CDK18: variants seen among roughly 807,000 people sequenced by gnomAD.
CDK18 encodes cyclin-dependent kinase 18.
A neutral mutation model predicts 62.0 loss-of-function variants in CDK18; 52 were observed. The observed-to-expected ratio is 0.84, with a 90% confidence interval of 0.67 to 1.06. The LOEUF (loss-of-function observed/expected upper bound fraction) is 1.06. CDK18 is among the 50% of genes least tolerant of loss of function. The pLI, the probability that CDK18 is intolerant of heterozygous loss-of-function variation, is 0.00. For synonymous variants in CDK18, 237 were observed against 247.0 expected, an observed-to-expected ratio of 0.96 and a Z score of 0.38; for missense variants, 604 against 619.9, an observed-to-expected ratio of 0.97 and a Z score of 0.27.
intron 1 of CDK18, among the ~76,000 whole-genome samples, chr1:205,510,171 T>A (rs1314861685): frequency 6.6e-6 from 1 of 152,118 alleles, no homozygotes; most frequent in African/African-American, 2.4e-5. Flanking sequence ...CCAGAATGAT[T>A]ACTGCCCTCA....
chr1:205,520,024 G>A (rs1668039014), intron 1 of CDK18, among the ~76,000 whole-genome samples: 1 of 152,050 alleles, frequency 6.6e-6, no homozygotes, highest in Admixed American at 6.5e-5. Flanking sequence ...CCAAGTGCCT[G>A]CCTCTCCCCA....
Position 205,528,135 on chromosome 1 carries a change from G to T in CDK18, c.941G>T (p.Gly314Val). 6.2e-7 allele frequency: 1 copy of T among 1,613,962 alleles called. No homozygotes were observed. The highest frequency in any genetic ancestry group is 8.5e-7 in the Non-Finnish European group (1 of 1,179,998). Residue 314 changes from glycine (G) to valine (V), a missense_variant, in exon 10 of 16, where the codon GGA (glycine) becomes GTA (valine). Physicochemically the swap from Gly to Val is moderately radical, Grantham distance 109. Transcript: ENST00000429964. The surrounding 1 kb of genome is among the most constrained non-coding windows in gnomAD (Gnocchi z 4.2). ...TACAGGCCCCCCGATGTGCTGCTGG[G>T]ATCCACAGAGTACTCCACCCCCATT... ...LWYRPPDVLL[G>V]STEYSTPIDM... is the part of the protein sequence containing the mutation.
rs548159824 is a variant in CDK18, at chr1:205,516,906, G to A, written c.-21-6241G>A. ...ACTCCAGTCCTGGCCCCAGGAGCTT[G>A]AGAAGTGAAGCTGACTTTCCCGCCC... On this transcript the variant is annotated intron_variant, in intron 1 of 15. Coordinates refer to ENST00000429964, the MANE Select transcript of CDK18 (RefSeq NM_212502.3). This position sits in a 1 kb window ranked among gnomAD's most constrained non-coding sequence, Gnocchi z 4.8. 6.6e-6 allele frequency: 1 copy of A among 152,190 alleles called. No individual in the cohort carries two copies. The highest frequency in any genetic ancestry group is 1.5e-5 in the Non-Finnish European group (1 of 68,056). 9.4% of individuals were successfully genotyped at this position (152,190 alleles called of 1,614,324 possible).
intron 1 of CDK18, among the ~76,000 whole-genome samples, chr1:205,520,419 C>T (rs1449934381): frequency 6.6e-6 from 1 of 152,200 alleles, no homozygotes; most frequent in East Asian, 1.9e-4. Flanking sequence ...AAATAATTGG[C>T]TGAGTGCTGT....
chr1:205,523,394 G>T, intron 2 of CDK18, 89 bp from the exon 3 acceptor site: 4 of 1,602,648 alleles, frequency 2.5e-6, no homozygotes, highest in Non-Finnish European at 2.6e-6. Context: ...TGGCCTTAGG[G>T]GAGGAGCACA....
chr1:205,531,247 C>A, intron 15 of CDK18, 97 bp from the exon 16 acceptor site: 1 of 1,141,422 alleles, frequency 8.8e-7, no homozygotes, highest in Non-Finnish European at 1.3e-6. Flanking sequence ...CTTGCTCTGT[C>A]AGAGCAGCTC....
At chr1:205,526,674 G>T (rs567463291) in intron 7 of CDK18, 101 bp from the exon 8 acceptor site, 1 of 1,188,978 alleles carries the variant, frequency 8.4e-7, no homozygotes, top group East Asian at 2.3e-5. Flanking sequence ...ACTAGTGGGC[G>T]TGGGCCCTTC....
At chr1:205,510,642 C>T (rs17419037) in intron 1 of CDK18, among the ~76,000 whole-genome samples, 9,488 of 152,312 alleles carry the variant, frequency 0.062, 409 homozygotes, top group Non-Finnish European at 0.09. Context: ...CATCTCTACG[C>T]AGGCCCATGC....
chr1:205,513,248 C>T (rs1269174092), intron 1 of CDK18, among the ~76,000 whole-genome samples: 1 of 152,208 alleles, frequency 6.6e-6, no homozygotes, highest in Non-Finnish European at 1.5e-5. Flanking sequence ...AGAGAGGGCT[C>T]CTCTGGCTGG....
chr1:205,529,929 A>G lies in CDK18; in HGVS notation c.1222-330A>G, dbSNP rs1452625244. 1.1e-5 allele frequency: 15 copies of G among 1,384,770 alleles called. No homozygotes were observed. In the South Asian group the frequency reaches 1.2e-4, roughly 11 times the overall value. The allele number at this position is 1,384,770 out of a possible 1,614,324, so 85.8% of individuals were successfully genotyped here. ...GCCTGTCTTGTAAGGCACACGATGA[A>G]GGGTTGTTATCGGCACTACGCTTCC... is the stretch of plus-strand genomic sequence containing the variant. On this transcript the variant is annotated intron_variant, in intron 13 of 15. Coordinates refer to ENST00000429964, the MANE Select transcript of CDK18 (RefSeq NM_212502.3).
At chr1:205,521,947 C>T (rs868610621) in intron 1 of CDK18, among the ~76,000 whole-genome samples, 1 of 152,192 alleles carries the variant, frequency 6.6e-6, no homozygotes, top group Non-Finnish European at 1.5e-5. Context: ...GGGTGCAGGG[C>T]GGCCCATCAT....
In CDK18 at chr1:205,531,860, G is replaced by A. The variant is rs41310907; in HGVS notation, c.*482G>A. 4.4e-3 allele frequency: 781 copies of A among 179,070 alleles called. 4 individuals carry two copies. Among genetic ancestry groups the A allele is most frequent in the Non-Finnish European group, 6.5e-3 (549 of 83,836 alleles). The allele number at this position is 179,070 out of a possible 1,614,324, so 11.1% of individuals were successfully genotyped here. ...TTTTTCCCCTCTGAGAGCAAGAAGA[G>A]ACATGGCATGTTCTCTGGGACCCTG... On this transcript the variant is annotated 3_prime_UTR_variant, in exon 16 of 16. Coordinates refer to ENST00000429964, the MANE Select transcript of CDK18 (RefSeq NM_212502.3).
intron 1 of CDK18, among the ~76,000 whole-genome samples, chr1:205,515,469 G>A (rs1036184055): frequency 6.6e-6 from 1 of 152,134 alleles, no homozygotes. Context: ...GAGCCACCGC[G>A]CCTAGCCACT....
In CDK18 at chr1:205,530,699, C is replaced by A; in HGVS notation, c.1384C>A (p.Gln462Lys). 1 of 1,613,472 alleles carries A rather than the reference C, an allele frequency of 6.2e-7. No homozygotes were observed. The change falls in exon 15 of 16, where the codon CAG (glutamine) becomes AAG (lysine). Residue 462 changes from glutamine to lysine, a missense_variant. Transcript: ENST00000429964. ...AGGCTACCGAGGCTTGGCCTTCCAG[C>A]AGCCAGGTAGGGGCTTGTGCTCTCC... The part of the protein sequence containing the change: ...DPGYRGLAFQ[Q>K]PGRGKNRRQS...
chr1:205,523,745 T>G (rs938948022), intron 3 of CDK18, 120 bp downstream of exon 3: 1 of 1,306,694 alleles, frequency 7.7e-7, no homozygotes, highest in African/African-American at 1.5e-5. Flanking sequence ...CTGCCATTCA[T>G]TAGCTCTGTG....
chr1:205,532,775 A>C lies in CDK18; in HGVS notation c.*1397A>C, dbSNP rs941650689. On this transcript the variant is annotated 3_prime_UTR_variant, in exon 16 of 16. Coordinates refer to ENST00000429964, the MANE Select transcript of CDK18 (RefSeq NM_212502.3). ...CAGTGCAGAGACAGATAATATATTT[A>C]ATTCATGTACAGAAAGGAGCGAGCA... 3.3e-5 allele frequency: 5 copies of C among 152,176 alleles called. No homozygotes were observed. The highest frequency in any genetic ancestry group is 7.4e-5 in the Non-Finnish European group (5 of 67,928). The allele number at this position is 152,176 out of a possible 1,614,324, so 9.4% of individuals were successfully genotyped here.
At chr1:205,529,157 A>C in intron 11 of CDK18, 61 bp downstream of exon 11, 1 of 1,465,250 alleles carries the variant, frequency 6.8e-7, no homozygotes, top group Non-Finnish European at 9.4e-7. Flanking sequence ...CCTCCAGCCC[A>C]GGCGCGGAGC....
chr1:205,520,289 C>T (rs533591741), intron 1 of CDK18, among the ~76,000 whole-genome samples: 1 of 152,294 alleles, frequency 6.6e-6, no homozygotes, highest in African/African-American at 2.4e-5. Context: ...GATGTTTTTT[C>T]AAATGCATTT....
chr1:205,518,852 C>T (rs1028060277), intron 1 of CDK18, among the ~76,000 whole-genome samples: 1 of 152,202 alleles, frequency 6.6e-6, no homozygotes, highest in Non-Finnish European at 1.5e-5. Flanking sequence ...GGGCCGGCTG[C>T]TGTGTCCCTG....
Sources: allele counts gnomAD v4.1 joint callset (sites outside exome capture counted in the v4.1 genomes callset), GRCh38; gene constraint gnomAD v4.1.1; non-coding constraint Gnocchi (gnomAD v3.1); transcripts MANE v1.5; gene names NCBI Gene and HGNC (gene_info 2026-07-23, HGNC 2026-07-21).